MID1: variants seen among roughly 807,000 people sequenced by gnomAD.
MID1 encodes midline 1, also known as E3 ubiquitin-protein ligase Midline-1.
A neutral mutation model predicts 40.4 loss-of-function variants in MID1; 7 were observed. That is an observed-to-expected ratio of 0.17 (90% CI 0.10 to 0.33). MID1 has a LOEUF of 0.33. MID1 is among the 10% of genes least tolerant of loss of function. MID1 has a pLI of 1.00. For missense variants in MID1, 367 were observed against 558.5 expected (o/e 0.66, Z 3.46); for synonymous variants, 229 against 221.2 (o/e 1.04, Z -0.31).
intron 1 of MID1, among the ~76,000 whole-genome samples, chrX:10,609,675 T>C (rs1935693454): frequency 2.7e-5 from 3 of 109,540 alleles, no homozygotes; most frequent in Non-Finnish European, 5.7e-5. Context: ...CCATCAAACA[T>C]CGTTGTACTA....
chrX:10,734,225 A>C (rs745752949), intron 1 of MID1, among the ~76,000 whole-genome samples: 136 of 112,369 alleles, frequency 1.2e-3, no homozygotes, highest in Non-Finnish European at 2.2e-3. Flanking sequence ...GAATGAGATC[A>C]TGTATTTTGC....
chrX:10,723,905 T>C (rs1194732839), intron 1 of MID1, among the ~76,000 whole-genome samples: 1 of 112,443 alleles, frequency 8.9e-6, no homozygotes, highest in Non-Finnish European at 1.9e-5. Context: ...AAACCATCTG[T>C]AACTTAAAGT....
intron 3 of MID1, chrX:10,506,445 C>A (rs1161206666): frequency 1.1e-5 from 7 of 631,044 alleles, no homozygotes; most frequent in Middle Eastern, 2.9e-4. Context: ...TGGAGATTAA[C>A]CCCATTGGGC....
At chrX:10,597,380 A>T (rs1273356711) in intron 1 of MID1, among the ~76,000 whole-genome samples, 1 of 112,159 alleles carries the variant, frequency 8.9e-6, no homozygotes, top group Admixed American at 9.5e-5. Context: ...TTTTAGTACA[A>T]CTAAAGTATT....
intron 1 of MID1, among the ~76,000 whole-genome samples, chrX:10,808,242 C>T (rs1301425962): frequency 8.9e-6 from 1 of 111,787 alleles, no homozygotes; most frequent in African/African-American, 3.3e-5. Flanking sequence ...TAGAATGATC[C>T]TATGCTGTCC....
intron 1 of MID1, among the ~76,000 whole-genome samples, chrX:10,723,594 C>T (rs2043371501): frequency 1.8e-5 from 2 of 113,309 alleles, no homozygotes; most frequent in South Asian, 3.5e-4. Context: ...CTCTGCCGCC[C>T]AGGCTGGAGT....
chrX:10,699,885 C>T (rs1042227475), intron 1 of MID1, among the ~76,000 whole-genome samples: 2 of 107,489 alleles, frequency 1.9e-5, no homozygotes, highest in Admixed American at 1.0e-4. Flanking sequence ...TGCAATGGGG[C>T]GATCTCGGCT....
At chrX:10,728,453 G>C (rs993871962) in intron 1 of MID1, among the ~76,000 whole-genome samples, 1 of 112,031 alleles carries the variant, frequency 8.9e-6, no homozygotes, top group Non-Finnish European at 1.9e-5. Flanking sequence ...GCTCCTGCAG[G>C]AGGGAAAAAG....
intron 2 of MID1, among the ~76,000 whole-genome samples, chrX:10,536,091 G>A (rs1432790405): frequency 9.1e-6 from 1 of 110,311 alleles, no homozygotes; most frequent in Non-Finnish European, 1.9e-5. Context: ...TGGGCGTGGT[G>A]GCATGCACCT....
At chrX:10,565,462 G>A (rs981188589) in intron 2 of MID1, 2 of 331,326 alleles carry the variant, frequency 6.0e-6, no homozygotes, top group East Asian at 9.7e-5. Flanking sequence ...ACCCATTAGC[G>A]CTAAGGAGAG....
At position 10,537,602 on chromosome X, in the gene MID1, G is replaced by A. The variant is rs1247087305; in HGVS notation, c.661-14415C>T. 3.6e-5 allele frequency among the ~76,000 whole-genome samples: 4 copies of A among 112,207 alleles called. No homozygotes were observed. In the East Asian group the frequency reaches 1.1e-3, roughly 31 times the overall value. On this transcript the variant is annotated intron_variant, in intron 2 of 9. Coordinates refer to ENST00000317552, the MANE Select transcript of MID1 (RefSeq NM_000381.4). Reference sequence around the variant, plus strand: ...TTTGAATAAAGTGTCACTGATACAGGTAATGAACAAATTCTCAAATCGAAT... The same window carrying A: ...TTTGAATAAAGTGTCACTGATACAGATAATGAACAAATTCTCAAATCGAAT...
chrX:10,695,599 T>C (rs1281586096), intron 1 of MID1, among the ~76,000 whole-genome samples: 1 of 112,397 alleles, frequency 8.9e-6, no homozygotes, highest in Non-Finnish European at 1.9e-5. Flanking sequence ...TCAGGGAGTT[T>C]GATTTGAGTA....
intron 1 of MID1, among the ~76,000 whole-genome samples, chrX:10,811,938 T>G (rs960292462): frequency 4.4e-5 from 5 of 112,371 alleles, no homozygotes; most frequent in African/African-American, 1.6e-4. Context: ...GTCCATTCTT[T>G]TGATATTTTG....
At chrX:10,530,222 C>G (rs779270158) in intron 2 of MID1, among the ~76,000 whole-genome samples, 2 of 112,267 alleles carry the variant, frequency 1.8e-5, no homozygotes, top group Non-Finnish European at 3.8e-5. Flanking sequence ...CAAGTTCCAT[C>G]TAAACCCAAA....
intron 1 of MID1, among the ~76,000 whole-genome samples, chrX:10,791,920 T>C (rs903399938): frequency 1.6e-4 from 18 of 111,523 alleles, no homozygotes; most frequent in Non-Finnish European, 3.4e-4. Context: ...TACCCTCTCA[T>C]ATAGAGGAAA....
chrX:10,769,599 C>G (rs1014304561), intron 1 of MID1, among the ~76,000 whole-genome samples: 1 of 111,981 alleles, frequency 8.9e-6, no homozygotes, highest in Admixed American at 9.5e-5. Flanking sequence ...TGAAAAATAC[C>G]TTCAATTTGG....
chrX:10,451,166 C>T (rs1393584752), intron 9 of MID1, among the ~76,000 whole-genome samples: 1 of 108,369 alleles, frequency 9.2e-6, no homozygotes, highest in Non-Finnish European at 1.9e-5. Flanking sequence ...ATCAATGTTG[C>T]ATCCTCTCTT....
intron 1 of MID1, among the ~76,000 whole-genome samples, chrX:10,792,619 T>C (rs780246342): frequency 1.1e-4 from 12 of 111,790 alleles, no homozygotes; most frequent in Non-Finnish European, 1.9e-4. Context: ...ACATGCTAAA[T>C]GGAAGAAGCC....
chrX:10,641,595 G>A (rs1469418410), intron 1 of MID1, among the ~76,000 whole-genome samples: 3 of 111,678 alleles, frequency 2.7e-5, no homozygotes, highest in Non-Finnish European at 5.6e-5. Context: ...GTACAAAGAG[G>A]AGCTAGTACC....
Sources: gnomAD v4.1 joint callset for allele counts (sites outside exome capture counted in the v4.1 genomes callset) on GRCh38, gnomAD v4.1.1 for gene constraint, MANE v1.5 for transcripts, NCBI Gene and HGNC (gene_info 2026-07-23, HGNC 2026-07-21) for gene names.